Variants in ST6GAL1 observed in about 807,000 individuals in gnomAD.
The protein encoded by ST6GAL1 is ST6 beta-galactoside alpha-2,6-sialyltransferase 1.
Under a neutral mutation model 38.0 loss-of-function variants are expected in ST6GAL1, and 20 were observed. The ratio of observed to expected loss-of-function variants is 0.53; its 90% CI spans 0.37 to 0.77. The LOEUF (loss-of-function observed/expected upper bound fraction) is 0.77. ST6GAL1 is among the 30% of genes least tolerant of loss of function. The pLI is 0.00. For missense variants in ST6GAL1, 432 were observed against 496.4 expected (o/e 0.87, Z 1.23); for synonymous variants, 196 against 188.2 (o/e 1.04, Z -0.34).
At chr3:186,972,042 C>T (rs941551511) in intron 2 of ST6GAL1, among the ~76,000 whole-genome samples, 2 of 152,154 alleles carry the variant, frequency 1.3e-5, no homozygotes, top group African/African-American at 4.8e-5. Flanking sequence ...TCTTATGGAC[C>T]AGGCTCTAAG....
At chr3:187,029,408 TTCATCTATAG>T (rs1717662604) in intron 2 of ST6GAL1, among the ~76,000 whole-genome samples, 1 of 152,168 alleles carries the variant, frequency 6.6e-6, no homozygotes, top group Admixed American at 6.6e-5. Flanking sequence ...ACATAGCCAG[TTCATCTATAG>T]TAATGAGGCA....
intron 1 of ST6GAL1, among the ~76,000 whole-genome samples, chr3:186,948,422 C>T (rs1471618019): frequency 6.6e-6 from 1 of 152,170 alleles, no homozygotes; most frequent in Non-Finnish European, 1.5e-5. Flanking sequence ...GACCTCTGCT[C>T]TGAGCTAGTG....
At chr3:186,976,650 A>G (rs1024664353) in intron 2 of ST6GAL1, among the ~76,000 whole-genome samples, 1 of 152,138 alleles carries the variant, frequency 6.6e-6, no homozygotes, top group East Asian at 1.9e-4. Context: ...GGCTGGCCTC[A>G]AACTCCTGAC....
chr3:186,968,639 C>A (rs1303139173), intron 2 of ST6GAL1, among the ~76,000 whole-genome samples: 3 of 151,490 alleles, frequency 2.0e-5, no homozygotes, highest in Non-Finnish European at 2.9e-5. Context: ...ATACAGCATG[C>A]ATTTTTTTTT....
At chr3:186,951,272 G>C (rs1338382601) in intron 1 of ST6GAL1, among the ~76,000 whole-genome samples, 3 of 152,064 alleles carry the variant, frequency 2.0e-5, no homozygotes, top group Admixed American at 6.6e-5. Context: ...GGTCAGGCTG[G>C]TCTCGAACTC....
intron 2 of ST6GAL1, among the ~76,000 whole-genome samples, chr3:186,972,550 A>G (rs1406470337): frequency 6.6e-6 from 1 of 151,880 alleles, no homozygotes; most frequent in Non-Finnish European, 1.5e-5. Flanking sequence ...ATGCCCGGCC[A>G]CTGCTTGTTA....
At chr3:186,953,738 C>T (rs1437006577) in intron 1 of ST6GAL1, among the ~76,000 whole-genome samples, 1 of 151,980 alleles carries the variant, frequency 6.6e-6, no homozygotes, top group African/African-American at 2.4e-5. Flanking sequence ...TTAACAAAAT[C>T]CTCACAATGA....
intron 1 of ST6GAL1, among the ~76,000 whole-genome samples, chr3:186,939,011 C>T (rs1487007520): frequency 8.3e-6 from 1 of 120,414 alleles, no homozygotes; most frequent in Non-Finnish European, 1.9e-5. Flanking sequence ...GAAAGTCAAC[C>T]TAGGACCTTT....
intron 2 of ST6GAL1, among the ~76,000 whole-genome samples, chr3:186,990,281 G>A (rs901502572): frequency 4.6e-5 from 7 of 152,116 alleles, no homozygotes; most frequent in Admixed American, 3.9e-4. Context: ...TGATCTGCCC[G>A]CCTTGGCCTC....
chr3:186,960,969 C>CT (rs531371070), intron 1 of ST6GAL1, among the ~76,000 whole-genome samples: 3,232 of 124,706 alleles, frequency 0.026, 94 homozygotes, highest in African/African-American at 0.06. Context: ...ATCATTTGAT[C>CT]TTTTTTTTTT....
chr3:186,973,821 G>A (rs1032213356), intron 2 of ST6GAL1, among the ~76,000 whole-genome samples: 1 of 152,208 alleles, frequency 6.6e-6, no homozygotes, highest in African/African-American at 2.4e-5. Context: ...AGTCAGCGAA[G>A]AGTGTCCATT....
chr3:187,043,282 G>C lies in ST6GAL1; in HGVS notation c.579G>C (p.Leu193=), dbSNP rs758630493. 6.2e-7 allele frequency: 1 copy of C among 1,614,026 alleles called. No homozygotes were observed. The highest frequency in any genetic ancestry group is 8.5e-7 in the Non-Finnish European group (1 of 1,179,992). The change falls in exon 4 of 8, where the codon CTG becomes CTC. Residue 193 remains leucine (L), a synonymous_variant. Coordinates refer to ENST00000169298, the MANE Select transcript of ST6GAL1 (RefSeq NM_173216.2). ...RCAVVSSAGS[L]KSSQLGREID... is the part of the protein sequence containing the mutation. ...CTGTTGTGTCGTCAGCGGGATCTCT[G>C]AAGTCCTCCCAACTAGGCAGAGAAA... is the stretch of plus-strand genomic sequence containing the variant.
In ST6GAL1 at chr3:187,028,432, A is replaced by T. The variant is rs576416573; in HGVS notation, c.-182-10310A>T. ...AAAATCAGTCTTGTTACATAGCTTA[A>T]TTTGAATACATCCAAAAAATGACAT... On this transcript the variant is annotated intron_variant, in intron 2 of 7. Coordinates refer to ENST00000169298, the MANE Select transcript of ST6GAL1 (RefSeq NM_173216.2). Among the ~76,000 whole-genome samples, 115 of 152,322 alleles carry T rather than the reference A, an allele frequency of 7.5e-4. 3 individuals are homozygous for T. In the South Asian group the frequency reaches 0.022, roughly 29 times the overall value.
At chr3:186,955,365 T>G (rs1257079320) in intron 1 of ST6GAL1, among the ~76,000 whole-genome samples, 1 of 152,260 alleles carries the variant, frequency 6.6e-6, no homozygotes, top group African/African-American at 2.4e-5. Context: ...TCTAATTCTG[T>G]GAAGAATGTC....
At chr3:186,983,601 G>C (rs946685217) in intron 2 of ST6GAL1, among the ~76,000 whole-genome samples, 6 of 152,130 alleles carry the variant, frequency 3.9e-5, no homozygotes, top group Non-Finnish European at 7.3e-5. Context: ...TAGCAAGGTA[G>C]TAAGAGGTGG....
chr3:187,032,051 C>CAGCT (rs1717770843), intron 2 of ST6GAL1, among the ~76,000 whole-genome samples: 1 of 152,224 alleles, frequency 6.6e-6, no homozygotes. Context: ...ATCACTTCTA[C>CAGCT]AGCTGGTTGA....
chr3:187,017,440 C>G lies in ST6GAL1; in HGVS notation c.-182-21302C>G, dbSNP rs192332102. Reference sequence around the variant, plus strand: ...AGAGCAACAATGTTCTAAGTGGTTCCCTTCACCTACACCACTCACCTTCAT... The same window carrying G: ...AGAGCAACAATGTTCTAAGTGGTTCGCTTCACCTACACCACTCACCTTCAT... On this transcript the variant is annotated intron_variant, in intron 2 of 7. Coordinates refer to ENST00000169298, the MANE Select transcript of ST6GAL1 (RefSeq NM_173216.2). Among the ~76,000 whole-genome samples, 1,234 of 152,114 alleles carry G rather than the reference C, an allele frequency of 8.1e-3. 9 individuals are homozygous for G. Among genetic ancestry groups the G allele is most frequent in the Non-Finnish European group, 0.014 (945 of 67,980 alleles).
chr3:187,028,441 C>G (rs887760081), intron 2 of ST6GAL1, among the ~76,000 whole-genome samples: 1 of 152,232 alleles, frequency 6.6e-6, no homozygotes, highest in Non-Finnish European at 1.5e-5. Context: ...AATTTGAATA[C>G]ATCCAAAAAA....
chr3:186,999,505 T>G (rs1272794916), intron 2 of ST6GAL1, among the ~76,000 whole-genome samples: 1 of 150,342 alleles, frequency 6.7e-6, no homozygotes, highest in Non-Finnish European at 1.5e-5. Context: ...TCCGCCTCCC[T>G]GGTTCAGGCC....
Sources: gnomAD v4.1 joint callset for allele counts (sites outside exome capture counted in the v4.1 genomes callset) on GRCh38, gnomAD v4.1.1 for gene constraint, MANE v1.5 for transcripts, NCBI Gene and HGNC (gene_info 2026-07-23, HGNC 2026-07-21) for gene names.